MPPED1: variants seen among roughly 807,000 people sequenced by gnomAD.
MPPED1 encodes the protein metallophosphoesterase domain containing 1.
Under a neutral mutation model 36.2 loss-of-function variants are expected in MPPED1, and 16 were observed. The observed-to-expected ratio is 0.44, with a 90% CI of 0.30 to 0.67. The LOEUF (loss-of-function observed/expected upper bound fraction) is 0.67. MPPED1 is among the 30% of genes least tolerant of loss of function. The probability of loss-of-function intolerance (pLI) is 0.10; values close to 1 mark genes in which losing one functional copy is unlikely to be tolerated. For synonymous variants in MPPED1, 199 were observed against 191.3 expected (o/e 1.04, Z -0.33); for missense variants, 307 against 453.4 (o/e 0.68, Z 2.93).
At chr22:43,492,303 C>T (rs543966506) in intron 4 of MPPED1, among the ~76,000 whole-genome samples, 54 of 152,224 alleles carry the variant, frequency 3.5e-4, no homozygotes, top group African/African-American at 1.1e-3. Flanking sequence ...GGTCTAACTG[C>T]AAGATGAGCT....
chr22:43,454,293 G>A (rs1262555169), intron 3 of MPPED1, among the ~76,000 whole-genome samples: 1 of 151,546 alleles, frequency 6.6e-6, no homozygotes, highest in Non-Finnish European at 1.5e-5. Flanking sequence ...ACAGGTATGA[G>A]CCACTGTACC....
At chr22:43,495,571 GAT>G in intron 4 of MPPED1, among the ~76,000 whole-genome samples, 1 of 109,842 alleles carries the variant, frequency 9.1e-6, no homozygotes, top group African/African-American at 3.0e-5. Flanking sequence ...TGGTGGAGGT[GAT>G]GGTGGAGGTG....
chr22:43,502,295 G>C lies in MPPED1; in HGVS notation c.749-349G>C, dbSNP rs1046129123. On this transcript the variant is annotated intron_variant, in intron 5 of 6. Coordinates refer to ENST00000443721, the MANE Select transcript of MPPED1 (RefSeq NM_001044370.2). The surrounding 1 kb of genome is among the most constrained non-coding windows in gnomAD (Gnocchi z 5.5). Reference sequence around the variant, plus strand: ...CTGGCCTCCGTTTGCTGATCTCTGCGGTGGGCGGATGCCACCCTTGAGGCC... The same window carrying C: ...CTGGCCTCCGTTTGCTGATCTCTGCCGTGGGCGGATGCCACCCTTGAGGCC... 6.6e-6 allele frequency among the ~76,000 whole-genome samples: 1 copy of C among 152,126 alleles called. No homozygotes were observed. The highest frequency in any genetic ancestry group is 1.5e-5 in the Non-Finnish European group (1 of 68,020).
intron 3 of MPPED1, among the ~76,000 whole-genome samples, chr22:43,447,798 C>T (rs1211011687): frequency 7.2e-6 from 1 of 138,054 alleles, no homozygotes; most frequent in Non-Finnish European, 1.5e-5. Context: ...GGGGAGCACA[C>T]TTATATATAT....
chr22:43,435,156 C>T lies in MPPED1; in HGVS notation c.347C>T (p.Ala116Val). 6.2e-7 allele frequency: 1 copy of T among 1,613,420 alleles called. No homozygotes were observed. The highest frequency in any genetic ancestry group is 8.5e-7 in the Non-Finnish European group (1 of 1,179,886). Residue 116 changes from alanine (A) to valine (V), a missense_variant, in exon 3 of 7, where the codon GCT becomes GTT. Ala to Val is a moderately conservative substitution (Grantham distance 64). Coordinates refer to ENST00000443721, the MANE Select transcript of MPPED1 (RefSeq NM_001044370.2). ...CCGTACGGCGACGTGCTGATCCACGCTGGGGACTTCACTGAGCTGGGGCTC... is the reference window on the plus strand; with the variant it reads ...CCGTACGGCGACGTGCTGATCCACGTTGGGGACTTCACTGAGCTGGGGCTC... The part of the protein sequence containing the change: ...QMPYGDVLIH[A>V]GDFTELGLPS...
At chr22:43,469,875 G>A (rs1569080140) in intron 3 of MPPED1, among the ~76,000 whole-genome samples, 1 of 151,770 alleles carries the variant, frequency 6.6e-6, no homozygotes, top group Non-Finnish European at 1.5e-5. Context: ...ATGCATCTAT[G>A]TATCCGTCTG....
intron 4 of MPPED1, 64 bp downstream of exon 4, chr22:43,475,025 G>C (rs1251299869): frequency 7.4e-6 from 11 of 1,477,084 alleles, no homozygotes; most frequent in Non-Finnish European, 1.0e-5. Flanking sequence ...GAGCGCAGGG[G>C]GTGTAGGGGA....
intron 1 of MPPED1, among the ~76,000 whole-genome samples, chr22:43,415,580 C>A (rs1056580763): frequency 6.6e-6 from 1 of 152,130 alleles, no homozygotes; most frequent in African/African-American, 2.4e-5. Context: ...CTTTTCAGGC[C>A]TTTTCATGAA....
At chr22:43,428,003 G>A (rs135081) in intron 2 of MPPED1, among the ~76,000 whole-genome samples, 113,157 of 152,154 alleles carry the variant, frequency 0.74, 43,826 homozygotes, top group African/African-American at 0.94. Context: ...GAGAAGGCGC[G>A]GTGGGCAGCA....
At chr22:43,471,857 G>A (rs532493712) in intron 3 of MPPED1, among the ~76,000 whole-genome samples, 1 of 152,198 alleles carries the variant, frequency 6.6e-6, no homozygotes, top group Non-Finnish European at 1.5e-5. Context: ...AGTTCCCAGC[G>A]TCCATCAGGG....
intron 4 of MPPED1, among the ~76,000 whole-genome samples, chr22:43,495,216 AGGTGGT>A (rs370030910): frequency 1.6e-5 from 2 of 123,176 alleles, no homozygotes; most frequent in African/African-American, 3.1e-5. Flanking sequence ...ATGGAAGTGG[AGGTGGT>A]GGTGGTGGTG....
intron 3 of MPPED1, among the ~76,000 whole-genome samples, chr22:43,444,974 C>T (rs572378958): frequency 1.3e-3 from 205 of 152,204 alleles, no homozygotes; most frequent in South Asian, 2.3e-3. Context: ...GTAGCTCAGA[C>T]GGAGGGCCTA....
At chr22:43,491,452 C>T (rs1369346965) in intron 4 of MPPED1, among the ~76,000 whole-genome samples, 6 of 140,624 alleles carry the variant, frequency 4.3e-5, no homozygotes, top group Admixed American at 1.4e-4. Flanking sequence ...ATAGAGGAGG[C>T]GGTGGTGGTG....
At chr22:43,445,919 G>C (rs969011357) in intron 3 of MPPED1, among the ~76,000 whole-genome samples, 7 of 133,200 alleles carry the variant, frequency 5.3e-5, no homozygotes, top group African/African-American at 2.1e-4. Context: ...GTCCTAGGCT[G>C]GAGTGCAGTG....
At chr22:43,469,782 C>G (rs1365640815) in intron 3 of MPPED1, among the ~76,000 whole-genome samples, 3 of 152,172 alleles carry the variant, frequency 2.0e-5, no homozygotes, top group Non-Finnish European at 4.4e-5. Context: ...GTAAAGGAGA[C>G]AGTCAGACCT....
intron 1 of MPPED1, among the ~76,000 whole-genome samples, chr22:43,420,265 G>A (rs757423132): frequency 6.6e-6 from 1 of 152,186 alleles, no homozygotes; most frequent in Non-Finnish European, 1.5e-5. Context: ...GCATGCCAGT[G>A]ACCCATGACA....
chr22:43,465,759 G>T (rs989964943), intron 3 of MPPED1, among the ~76,000 whole-genome samples: 1 of 152,214 alleles, frequency 6.6e-6, no homozygotes, highest in Non-Finnish European at 1.5e-5. Flanking sequence ...AGAAGGAAGG[G>T]CGGGAAGAGG....
intron 4 of MPPED1, among the ~76,000 whole-genome samples, chr22:43,489,773 C>T (rs561017874): frequency 1.3e-3 from 197 of 152,314 alleles, no homozygotes; most frequent in Middle Eastern, 3.4e-3. Context: ...CCCACCTCGG[C>T]CTTCCAAAGT....
chr22:43,430,310 C>T (rs1929628601), intron 2 of MPPED1, among the ~76,000 whole-genome samples: 1 of 152,180 alleles, frequency 6.6e-6, no homozygotes, highest in East Asian at 1.9e-4. Flanking sequence ...AGAGAAAGAA[C>T]CAAGAGCAGG....
Sources: gnomAD v4.1 joint callset for allele counts (sites outside exome capture counted in the v4.1 genomes callset) on GRCh38, gnomAD v4.1.1 for gene constraint, Gnocchi (gnomAD v3.1) non-coding constraint, MANE v1.5 for transcripts, NCBI Gene and HGNC (gene_info 2026-07-23, HGNC 2026-07-21) for gene names.